FOXP2: variants seen among roughly 807,000 people sequenced by gnomAD.
FOXP2 encodes forkhead box P2, also known as forkhead box protein P2.
In FOXP2, 12 loss-of-function variants were observed where a neutral mutation model predicts 115.8. The observed-to-expected ratio is 0.10, with a 90% CI of 0.07 to 0.17. The LOEUF is 0.17. Among genes scored for constraint, FOXP2 ranks in the 10% least tolerant of loss-of-function variants. The pLI, the probability that FOXP2 is intolerant of heterozygous loss-of-function variation, is 1.00. For synonymous variants in FOXP2, 328 were observed against 297.7 expected (o/e 1.10, Z -1.05); for missense variants, 629 against 843.5 (o/e 0.75, Z 3.15).
chr7:114,300,661 C>A (rs951379050), intron 2 of FOXP2, among the ~76,000 whole-genome samples: 16 of 152,002 alleles, frequency 1.1e-4, no homozygotes, highest in African/African-American at 3.4e-4. Context: ...TTTAATATAT[C>A]TTTTCTTGTG....
intron 2 of FOXP2, among the ~76,000 whole-genome samples, chr7:114,357,329 C>A (rs2129186927): frequency 6.6e-6 from 1 of 152,262 alleles, no homozygotes; most frequent in South Asian, 2.1e-4. Flanking sequence ...ATAGGCAATG[C>A]AGTTCAAACG....
chr7:114,329,737 C>T lies in FOXP2; in HGVS notation c.-11+41628C>T, dbSNP rs572883407. Among the ~76,000 whole-genome samples, 16 of 151,692 alleles carry T rather than the reference C, an allele frequency of 1.1e-4. 1 individual carries two copies. In the South Asian group the frequency reaches 1.5e-3, roughly 14 times the overall value. Reference sequence around the variant, plus strand: ...TGTTGCCCAGGCTGGAGGGCAGTGGCGCGAAACCAGCTCACTGCAACCTCC... The same window carrying T: ...TGTTGCCCAGGCTGGAGGGCAGTGGTGCGAAACCAGCTCACTGCAACCTCC... On this transcript the variant is annotated intron_variant, in intron 2 of 17. Transcript: ENST00000634411.
intron 1 of FOXP2, among the ~76,000 whole-genome samples, chr7:114,144,324 G>A (rs943646052): frequency 6.6e-6 from 1 of 152,080 alleles, no homozygotes; most frequent in East Asian, 1.9e-4. Context: ...AAACTATATA[G>A]TTTATTTTGC....
intron 1 of FOXP2, among the ~76,000 whole-genome samples, chr7:114,226,280 TA>T (rs1562825017): frequency 6.6e-6 from 1 of 152,168 alleles, no homozygotes; most frequent in African/African-American, 2.4e-5. Context: ...GTACCCCAAA[TA>T]AAACCTCAGA....
At position 114,595,136 on chromosome 7, in the gene FOXP2, G is replaced by T. The variant is rs573718900; in HGVS notation, c.259-33404G>T. On this transcript the variant is annotated intron_variant, in intron 3 of 16. Transcript: ENST00000350908. ...TATGATTTATCAAATTGATTATATC[G>T]TACATGACCTAATTGGTCATTCCTG... Among the ~76,000 whole-genome samples, 119 of 151,988 alleles carry T rather than the reference G, an allele frequency of 7.8e-4. 1 individual carries two copies. Among genetic ancestry groups the T allele is most frequent in the African/African-American group, 2.7e-3 (113 of 41,494 alleles).
intron 3 of FOXP2, among the ~76,000 whole-genome samples, chr7:114,564,417 T>G (rs762209018): frequency 1.3e-5 from 2 of 152,134 alleles, no homozygotes; most frequent in African/African-American, 2.4e-5. Flanking sequence ...TTCAGGAGGT[T>G]TATGAACTTT....
chr7:114,307,059 A>G (rs117224096), intron 2 of FOXP2, among the ~76,000 whole-genome samples: 55 of 152,178 alleles, frequency 3.6e-4, no homozygotes, highest in Middle Eastern at 6.8e-3. Context: ...AACATTTTCA[A>G]AGGTTCTGGG....
chr7:114,206,364 C>A (rs1794201977), intron 1 of FOXP2, among the ~76,000 whole-genome samples: 1 of 152,106 alleles, frequency 6.6e-6, no homozygotes, highest in Non-Finnish European at 1.5e-5. Flanking sequence ...ATGTTTCTGA[C>A]CTGTTGACCT....
intron 1 of FOXP2, among the ~76,000 whole-genome samples, chr7:114,236,536 C>A (rs1795010804): frequency 6.6e-6 from 1 of 152,130 alleles, no homozygotes; most frequent in African/African-American, 2.4e-5. Context: ...ACATAAACTG[C>A]CAAGTCCTTC....
chr7:114,215,656 T>C (rs1794468508), intron 1 of FOXP2, among the ~76,000 whole-genome samples: 1 of 145,412 alleles, frequency 6.9e-6, no homozygotes, highest in African/African-American at 2.5e-5. Context: ...AAGATACTGC[T>C]TTTTTTTTTT....
intron 2 of FOXP2, among the ~76,000 whole-genome samples, chr7:114,312,841 T>C (rs1044598137): frequency 3.3e-5 from 5 of 152,180 alleles, no homozygotes; most frequent in Non-Finnish European, 5.9e-5. Context: ...AAACATTACC[T>C]AATTCCTCAA....
chr7:114,264,115 TTAATACTTATA>T (rs1355773112), intron 1 of FOXP2, among the ~76,000 whole-genome samples: 2 of 152,106 alleles, frequency 1.3e-5, no homozygotes, highest in Non-Finnish European at 2.9e-5. Context: ...TCAAAACTCT[TTAATACTTATA>T]TTAATATGTT....
At chr7:114,280,534 A>G (rs1584604109) in intron 1 of FOXP2, among the ~76,000 whole-genome samples, 1 of 152,298 alleles carries the variant, frequency 6.6e-6, no homozygotes, top group East Asian at 1.9e-4. Flanking sequence ...TTTAACAGAC[A>G]GTTCTAGTTA....
Position 114,690,017 on chromosome 7 carries a change from T to C in FOXP2, c.*91T>C. ...ATGAATATTTGACAAATTTTTACTG[T>C]GACTATTTATTAAGCATGGATAAAG... On this transcript the variant is annotated 3_prime_UTR_variant, in exon 17 of 17. Transcript: ENST00000350908. 1.3e-6 allele frequency: 2 copies of C among 1,487,610 alleles called. No individual in the cohort carries two copies. The highest frequency in any genetic ancestry group is 1.9e-6 in the Non-Finnish European group (2 of 1,075,320). The allele number at this position is 1,487,610 out of a possible 1,614,324, so 92.2% of individuals were successfully genotyped here. A position where few individuals can be genotyped will look rare whatever the true frequency, so the allele number is the denominator to read the frequency against.
chr7:114,458,788 T>C (rs1795434809), intron 2 of FOXP2, among the ~76,000 whole-genome samples: 1 of 152,160 alleles, frequency 6.6e-6, no homozygotes, highest in East Asian at 1.9e-4. Context: ...CCAAATTGCT[T>C]GACTCTTCCA....
At chr7:114,554,210 A>G (rs1454728617) in intron 3 of FOXP2, among the ~76,000 whole-genome samples, 1 of 152,134 alleles carries the variant, frequency 6.6e-6, no homozygotes, top group African/African-American at 2.4e-5. Context: ...CATTAGATGT[A>G]TGGATTACTG....
intron 2 of FOXP2, among the ~76,000 whole-genome samples, chr7:114,311,277 C>A (rs986188500): frequency 6.6e-6 from 1 of 152,112 alleles, no homozygotes; most frequent in African/African-American, 2.4e-5. Flanking sequence ...CCTCAAGAGT[C>A]CAAGACCCAG....
intron 1 of FOXP2, among the ~76,000 whole-genome samples, chr7:114,144,456 T>G (rs1792308161): frequency 6.6e-6 from 1 of 152,220 alleles, no homozygotes; most frequent in African/African-American, 2.4e-5. Context: ...ACTTTTTCAT[T>G]TTACATATGT....
At chr7:114,651,822 C>G (rs1584994675) in intron 8 of FOXP2, among the ~76,000 whole-genome samples, 1 of 152,062 alleles carries the variant, frequency 6.6e-6, no homozygotes, top group African/African-American at 2.4e-5. Flanking sequence ...ACTGTTCTAA[C>G]AATGAAATAG....
Sources: gnomAD v4.1 joint callset for allele counts (sites outside exome capture counted in the v4.1 genomes callset) on GRCh38, gnomAD v4.1.1 for gene constraint, MANE v1.5 for transcripts, NCBI Gene and HGNC (gene_info 2026-07-23, HGNC 2026-07-21) for gene names.